Variants in USP48 observed in about 807,000 individuals in gnomAD.
USP48 encodes ubiquitin specific peptidase 48.
In USP48, 43 loss-of-function variants were observed where a neutral mutation model predicts 150.7. That is an observed-to-expected ratio of 0.29 (90% CI 0.22 to 0.37). USP48 has a LOEUF of 0.37. Among genes scored for constraint, USP48 ranks in the 10% least tolerant of loss-of-function variants. USP48 has a pLI of 1.00. For synonymous variants in USP48, 396 were observed against 425.9 expected (o/e 0.93, Z 0.86); for missense variants, 813 against 1,249.6 (o/e 0.65, Z 5.27).
At chr1:21,713,357 C>A (rs1050615516) in intron 15 of USP48, among the ~76,000 whole-genome samples, 1 of 152,202 alleles carries the variant, frequency 6.6e-6, no homozygotes, top group Admixed American at 6.5e-5. Context: ...GATCCTCCCA[C>A]CTTGGCTTCC....
At chr1:21,722,335 T>C (rs907632704) in intron 12 of USP48, among the ~76,000 whole-genome samples, 2 of 151,192 alleles carry the variant, frequency 1.3e-5, no homozygotes, top group Non-Finnish European at 1.5e-5. Flanking sequence ...GGACAGGAGT[T>C]TGAGACCAGC....
intron 1 of USP48, among the ~76,000 whole-genome samples, chr1:21,769,279 T>C (rs1256234062): frequency 6.6e-6 from 1 of 151,902 alleles, no homozygotes; most frequent in Non-Finnish European, 1.5e-5. Context: ...TTTAGGACTC[T>C]GGGGAAGATA....
At chr1:21,719,009 G>A (rs1448185502) in intron 14 of USP48, among the ~76,000 whole-genome samples, 2 of 151,990 alleles carry the variant, frequency 1.3e-5, no homozygotes, top group African/African-American at 2.4e-5. Flanking sequence ...GCTCACACCT[G>A]TAATCCTAGC....
intron 23 of USP48, among the ~76,000 whole-genome samples, chr1:21,692,961 A>C (rs1032128545): frequency 6.6e-5 from 10 of 152,170 alleles, no homozygotes; most frequent in African/African-American, 2.4e-4. Context: ...TCTGCTTAAC[A>C]AGTAGATGTG....
chr1:21,692,984 T>C (rs1467709136), intron 23 of USP48, among the ~76,000 whole-genome samples: 1 of 152,154 alleles, frequency 6.6e-6, no homozygotes, highest in Admixed American at 6.5e-5. Context: ...ATTCCTGGTC[T>C]ATGGAACTTA....
At position 21,706,558 on chromosome 1, in the gene USP48, G is replaced by A. The variant is rs906518142; in HGVS notation, c.2120C>T (p.Ala707Val). ...ILEREGEENE[A>V]LHKMIANEQK... is the part of the protein sequence containing the mutation. ...CTCGTTTGCAATCATCTTATGTAAG[G>A]CTTCATTTTCTTCCCCTTCTCTTTC... The change falls in exon 17 of 27, where the codon GCC becomes GTC. Residue 707 changes from alanine (A) to valine (V), a missense_variant. Coordinates refer to ENST00000308271, the MANE Select transcript of USP48 (RefSeq NM_032236.8). 1 of 1,614,016 alleles carries A rather than the reference G, an allele frequency of 6.2e-7. No homozygotes were observed. The highest frequency in any genetic ancestry group is 8.5e-7 in the Non-Finnish European group (1 of 1,180,038).
intron 1 of USP48, among the ~76,000 whole-genome samples, chr1:21,762,633 G>A (rs1017121282): frequency 2.0e-5 from 3 of 151,952 alleles, no homozygotes; most frequent in African/African-American, 4.8e-5. Context: ...TTTGGGAGGC[G>A]GAGGCGGGTG....
At chr1:21,755,467 C>G (rs1387334528) in intron 3 of USP48, among the ~76,000 whole-genome samples, 1 of 152,108 alleles carries the variant, frequency 6.6e-6, no homozygotes, top group Non-Finnish European at 1.5e-5. Flanking sequence ...GGGGCTCTGG[C>G]AGGAGGATTG....
rs772466534 is a variant in USP48, at chr1:21,708,452, T to C, written c.1964-1584A>G. 1.5e-4 allele frequency among the ~76,000 whole-genome samples: 23 copies of C among 149,958 alleles called. 1 individual carries two copies. Among genetic ancestry groups the C allele is most frequent in the South Asian group, 8.5e-4 (4 of 4,724 alleles). On this transcript the variant is annotated intron_variant, in intron 15 of 26. Transcript: ENST00000308271. ...GGCAGAGGTTGCAGTGAGCCAAGATTGTGCCATTCCACTCCAGCCTGGGCG... is the reference window on the plus strand; with the variant it reads ...GGCAGAGGTTGCAGTGAGCCAAGATCGTGCCATTCCACTCCAGCCTGGGCG...
At chr1:21,779,571 A>T (rs1270251256) in intron 1 of USP48, among the ~76,000 whole-genome samples, 1 of 152,004 alleles carries the variant, frequency 6.6e-6, no homozygotes, top group Admixed American at 6.6e-5. Flanking sequence ...ATAATAATAA[A>T]AAGTTAAAAG....
Position 21,715,473 on chromosome 1 carries a change from AC to A in USP48, c.1895-17del. Reference sequence around the variant, plus strand: ...TTTGATTCATCTAATCAAAAGAAATACAAATGATATCTGCTGTGGTTATTGT... The same window carrying A: ...TTTGATTCATCTAATCAAAAGAAATAAAATGATATCTGCTGTGGTTATTGT... On this transcript the variant is annotated splice_polypyrimidine_tract_variant and intron_variant, in intron 14 of 26. Coordinates refer to ENST00000308271, the MANE Select transcript of USP48 (RefSeq NM_032236.8). 1 of 1,497,118 alleles carries A rather than the reference AC, an allele frequency of 6.7e-7. No individual in the cohort carries two copies. The highest frequency in any genetic ancestry group is 2.3e-5 in the East Asian group (1 of 44,144). 92.7% of individuals were successfully genotyped at this position (1,497,118 alleles called of 1,614,324 possible).
At chr1:21,774,350 T>C (rs2097891511) in intron 1 of USP48, among the ~76,000 whole-genome samples, 1 of 152,222 alleles carries the variant, frequency 6.6e-6, no homozygotes, top group South Asian at 2.1e-4. Context: ...ACTATCTGTA[T>C]GTATGCTATG....
At chr1:21,729,964 G>T in intron 9 of USP48, 132 bp from the exon 10 acceptor site, 1 of 1,109,092 alleles carries the variant, frequency 9.0e-7, no homozygotes, top group Non-Finnish European at 1.2e-6. Context: ...ACATTCAAAG[G>T]CCATAGAAAT....
At chr1:21,772,164 CAT>C (rs1257935227) in intron 1 of USP48, among the ~76,000 whole-genome samples, 1 of 152,046 alleles carries the variant, frequency 6.6e-6, no homozygotes, top group African/African-American at 2.4e-5. Flanking sequence ...TAAAACACAA[CAT>C]GAGTGAATAT....
rs112985732 is a variant in USP48, at chr1:21,706,892, GAAA to G, written c.1964-27_1964-25del. ...ACCTGAGTTTAAAAAAATATATTTG[GAAA>G]AAAAAAAAACAGCTGAAAAAAAGTC... is the stretch of plus-strand genomic sequence containing the variant. On this transcript the variant is annotated intron_variant, in intron 15 of 26. Coordinates refer to ENST00000308271, the MANE Select transcript of USP48 (RefSeq NM_032236.8). 3.2e-5 allele frequency: 41 copies of G among 1,294,000 alleles called. No homozygotes were observed. The African/African-American group carries it at 5.3e-4, about 17-fold the overall frequency. The allele number at this position is 1,294,000 out of a possible 1,614,324, so 80.2% of individuals were successfully genotyped here.
In USP48 at chr1:21,736,552, G is replaced by A. The variant is rs773089348; in HGVS notation, c.1065C>T (p.Ile355=). ...RGVSAYSGHY[I]AHVKDPQSGE... is the part of the protein sequence containing the mutation. ...CAGACTGTGGATCTTTCACGTGGGC[G>A]ATGTAGTGGCCAGAATAAGCACTCA... Residue 355 remains isoleucine (I), a synonymous_variant, in exon 9 of 27, where the codon ATC becomes ATT. Transcript: ENST00000308271. 13 of 1,595,256 alleles carry A rather than the reference G, an allele frequency of 8.1e-6. No homozygotes were observed. Among genetic ancestry groups the A allele is most frequent in the African/African-American group, 8.1e-5 (6 of 73,770 alleles).
intron 22 of USP48, among the ~76,000 whole-genome samples, chr1:21,697,617 T>G (rs1489108651): frequency 6.8e-6 from 1 of 146,466 alleles, no homozygotes; most frequent in African/African-American, 2.5e-5. Flanking sequence ...GAGCTGAGAT[T>G]GCACCACTGC....
At chr1:21,767,323 T>G (rs1316199979) in intron 1 of USP48, among the ~76,000 whole-genome samples, 1 of 150,472 alleles carries the variant, frequency 6.6e-6, no homozygotes, top group African/African-American at 2.5e-5. Context: ...ACCTTTTTTA[T>G]TTTTATTTTT....
At chr1:21,732,783 G>T in intron 9 of USP48, 1 of 201,680 alleles carries the variant, frequency 5.0e-6, no homozygotes, top group Non-Finnish European at 1.0e-5. Context: ...TCCTTGAAAA[G>T]GATGCTGGTG....
Sources: gnomAD v4.1 joint callset for allele counts (sites outside exome capture counted in the v4.1 genomes callset) on GRCh38, gnomAD v4.1.1 for gene constraint, MANE v1.5 for transcripts, NCBI Gene and HGNC (gene_info 2026-07-23, HGNC 2026-07-21) for gene names.